Variants in GTF2E1 observed in about 807,000 individuals in gnomAD.
The protein encoded by GTF2E1 is general transcription factor IIE subunit 1, also known as TFIIE alpha subunit.
Under a neutral mutation model 34.9 loss-of-function variants are expected in GTF2E1, and 14 were observed. The ratio of observed to expected loss-of-function variants is 0.40; its 90% CI spans 0.27 to 0.63. GTF2E1 has a LOEUF of 0.63. Among genes scored for constraint, GTF2E1 ranks in the 20% least tolerant of loss-of-function variants. The pLI is 0.39. For missense variants in GTF2E1, 469 were observed against 557.7 expected (o/e 0.84, Z 1.60); for synonymous variants, 188 against 192.9 (o/e 0.97, Z 0.21).
At chr3:120,753,550 C>T (rs915804498) in intron 2 of GTF2E1, among the ~76,000 whole-genome samples, 1 of 152,102 alleles carries the variant, frequency 6.6e-6, no homozygotes, top group African/African-American at 2.4e-5. Context: ...GGATTTGAAG[C>T]CTGCTAGATT....
In GTF2E1 at chr3:120,781,767, G is replaced by A. The variant is rs1709450758; in HGVS notation, c.*297G>A. ...TCTCACTCTTGTACCCCAGGCTGGA[G>A]TGCAATGGCGTGATCTCGGCTCACT... On this transcript the variant is annotated 3_prime_UTR_variant, in exon 5 of 5. Transcript: ENST00000283875. 1 of 225,518 alleles carries A rather than the reference G, an allele frequency of 4.4e-6. No individual in the cohort carries two copies. Among genetic ancestry groups the A allele is most frequent in the Non-Finnish European group, 8.8e-6 (1 of 114,124 alleles). 14.0% of individuals were successfully genotyped at this position (225,518 alleles called of 1,614,324 possible).
In GTF2E1 at chr3:120,747,422, A is replaced by G. The variant is rs540285412; in HGVS notation, c.-30-3101A>G. ...CTCCCTCCTCCCCACAATAGGCCCC[A>G]GTGTGTGATGTTCGCCTTCCTGTGT... On this transcript the variant is annotated intron_variant, in intron 1 of 4. Transcript: ENST00000283875. Among the ~76,000 whole-genome samples, 240 of 151,996 alleles carry G rather than the reference A, an allele frequency of 1.6e-3. 1 individual carries two copies. The highest frequency in any genetic ancestry group is 5.5e-3 in the African/African-American group (230 of 41,448).
intron 4 of GTF2E1, among the ~76,000 whole-genome samples, chr3:120,779,308 G>C (rs1389512434): frequency 6.6e-6 from 1 of 152,156 alleles, no homozygotes; most frequent in Admixed American, 6.5e-5. Flanking sequence ...CATTCTTTTA[G>C]AAGCAATTAT....
intron 2 of GTF2E1, among the ~76,000 whole-genome samples, chr3:120,762,415 A>C (rs1709272059): frequency 6.6e-6 from 1 of 152,176 alleles, no homozygotes; most frequent in Non-Finnish European, 1.5e-5. Context: ...GGGTGCATAT[A>C]TATTTAGGAT....
At chr3:120,752,886 G>A (rs1447687996) in intron 2 of GTF2E1, among the ~76,000 whole-genome samples, 3 of 152,122 alleles carry the variant, frequency 2.0e-5, no homozygotes, top group Non-Finnish European at 2.9e-5. Flanking sequence ...GTCACTCAGG[G>A]GAGGGTGCCC....
intron 1 of GTF2E1, among the ~76,000 whole-genome samples, chr3:120,744,719 A>G (rs1225601691): frequency 6.6e-6 from 1 of 151,904 alleles, no homozygotes; most frequent in Non-Finnish European, 1.5e-5. Flanking sequence ...TTTAGATTTT[A>G]TACCCCCAAT....
At chr3:120,780,250 G>A (rs937433045) in intron 4 of GTF2E1, among the ~76,000 whole-genome samples, 2 of 152,088 alleles carry the variant, frequency 1.3e-5, no homozygotes, top group African/African-American at 4.8e-5. Context: ...TTGGAAAGGG[G>A]GTGACAAAGA....
intron 2 of GTF2E1, 100 bp from the exon 3 acceptor site, chr3:120,770,628 A>G: frequency 1.2e-6 from 1 of 809,770 alleles, no homozygotes; most frequent in East Asian, 2.6e-5. Flanking sequence ...ACCTTTGTGT[A>G]TATTTGAAAG....
At chr3:120,751,708 T>C (rs775408682) in intron 2 of GTF2E1, among the ~76,000 whole-genome samples, 2 of 152,212 alleles carry the variant, frequency 1.3e-5, no homozygotes, top group Non-Finnish European at 2.9e-5. Flanking sequence ...AGTTATTTTA[T>C]CTTGTTATCT....
At chr3:120,752,073 G>T (rs1042284197) in intron 2 of GTF2E1, among the ~76,000 whole-genome samples, 3 of 152,116 alleles carry the variant, frequency 2.0e-5, no homozygotes, top group African/African-American at 7.2e-5. Flanking sequence ...GACAAAAAGA[G>T]CCAGAAGCAA....
chr3:120,769,142 G>A (rs577799196), intron 2 of GTF2E1, among the ~76,000 whole-genome samples: 27 of 149,840 alleles, frequency 1.8e-4, no homozygotes, highest in Admixed American at 6.0e-4. Context: ...TTTGTAATTA[G>A]TTGGCTTTTT....
intron 1 of GTF2E1, among the ~76,000 whole-genome samples, chr3:120,744,999 G>C (rs936487438): frequency 1.3e-5 from 2 of 151,764 alleles, no homozygotes; most frequent in Non-Finnish European, 2.9e-5. Flanking sequence ...GCTCATTGCA[G>C]CCTTGACCTC....
rs1559836270 is a variant in GTF2E1 at position 120,781,480 on chromosome 3, A to AATTCTTTC, written c.*11_*18dup. ...GGACCTCTTTGAGTGAGCTTTCCCTAATTCTTTCTCCTTTCTCTAATGCTC... is the reference window on the plus strand; with the variant it reads ...GGACCTCTTTGAGTGAGCTTTCCCTAATTCTTTCATTCTTTCTCCTTTCTCTAATGCTC... On this transcript the variant is annotated 3_prime_UTR_variant, in exon 5 of 5. Transcript: ENST00000283875. The AATTCTTTC allele has an allele frequency of 1.9e-6, 3 of 1,598,400 alleles. No individual in the cohort carries two copies. The highest frequency in any genetic ancestry group is 2.6e-6 in the Non-Finnish European group (3 of 1,166,648).
At chr3:120,748,277 G>A (rs1209181223) in intron 1 of GTF2E1, among the ~76,000 whole-genome samples, 5 of 151,178 alleles carry the variant, frequency 3.3e-5, no homozygotes, top group Non-Finnish European at 7.4e-5. Context: ...TGTCAATTTT[G>A]GCTTTTGTTG....
chr3:120,780,965 G>T, intron 4 of GTF2E1, 78 bp from the exon 5 acceptor site: 1 of 896,928 alleles, frequency 1.1e-6, no homozygotes, highest in Non-Finnish European at 1.7e-6. Context: ...TTAAATATAT[G>T]TTAAAATATT....
intron 2 of GTF2E1, among the ~76,000 whole-genome samples, chr3:120,763,430 G>C (rs1709281411): frequency 6.6e-6 from 1 of 152,172 alleles, no homozygotes; most frequent in Non-Finnish European, 1.5e-5. Context: ...AAAATATTCA[G>C]TGGGAGGGGA....
At chr3:120,770,074 C>G (rs892419010) in intron 2 of GTF2E1, among the ~76,000 whole-genome samples, 4 of 152,076 alleles carry the variant, frequency 2.6e-5, no homozygotes, top group African/African-American at 9.7e-5. Flanking sequence ...TTGCCAGACA[C>G]TAAGTACTTA....
At chr3:120,760,743 G>A (rs1405447999) in intron 2 of GTF2E1, among the ~76,000 whole-genome samples, 3 of 152,098 alleles carry the variant, frequency 2.0e-5, no homozygotes, top group Non-Finnish European at 4.4e-5. Context: ...ATTTGCATAT[G>A]TTGAACCAGC....
chr3:120,772,609 A>T (rs895886935), intron 3 of GTF2E1, among the ~76,000 whole-genome samples: 4 of 152,176 alleles, frequency 2.6e-5, no homozygotes, highest in Admixed American at 6.5e-5. Flanking sequence ...TTGATTTTAC[A>T]AAAATACAAA....
Sources: allele counts gnomAD v4.1 joint callset (sites outside exome capture counted in the v4.1 genomes callset), GRCh38; gene constraint gnomAD v4.1.1; transcripts MANE v1.5; gene names NCBI Gene and HGNC (gene_info 2026-07-23, HGNC 2026-07-21).